The following SLC6A8 variants were observed in gnomAD, a reference collection of about 807,000 sequenced individuals.
The protein encoded by SLC6A8 is solute carrier family 6 member 8.
SLC6A8 carries 6 observed loss-of-function variants against 48.3 expected under a neutral mutation model. The observed-to-expected ratio is 0.12, with a 90% CI of 0.07 to 0.25. The LOEUF (loss-of-function observed/expected upper bound fraction) is 0.25, where lower values mean the gene tolerates loss of function less well. Ranked by LOEUF, SLC6A8 falls within the 10% of genes least tolerant of loss-of-function variation. The probability of loss-of-function intolerance (pLI) is 1.00; values close to 1 mark genes in which losing one functional copy is unlikely to be tolerated. For synonymous variants in SLC6A8, 245 were observed against 244.0 expected (o/e 1.00, Z -0.04); for missense variants, 260 against 551.5 (o/e 0.47, Z 5.29).
At chrX:153,692,936 G>A (rs781852365) in intron 4 of SLC6A8, 105 bp from the exon 5 acceptor site, 4 of 1,001,944 alleles carry the variant, frequency 4.0e-6, no homozygotes, top group Non-Finnish European at 5.6e-6. Flanking sequence ...GGAGGACAAT[G>A]GGGACCTCTG....
Position 153,688,718 on chromosome X carries a change from C to T in SLC6A8, c.144C>T (p.Ala48=), listed in dbSNP as rs782232933. The change falls in exon 1 of 13, where the codon GCC becomes GCT. Residue 48 remains alanine (A), a synonymous_variant. Coordinates refer to ENST00000253122, the MANE Select transcript of SLC6A8 (RefSeq NM_005629.4). The part of the protein sequence containing the change: ...VGLGTPGGRL[A]VPPRETWTRQ... ...TGGGGACACCCGGCGGCCGCCTGGC[C>T]GTGCCGCCGCGCGAGACCTGGACGC... The T allele has an allele frequency of 1.2e-4, 137 of 1,131,741 alleles. No homozygotes were observed. The highest frequency in any genetic ancestry group is 1.6e-4 in the Non-Finnish European group (135 of 853,114). The allele number at this position is 1,131,741 out of a possible 1,213,427, so 93.3% of individuals were successfully genotyped here. A position where few individuals can be genotyped will look rare whatever the true frequency, so the allele number is the denominator to read the frequency against.
rs1335545253 is a variant in SLC6A8 at position 153,695,722 on chromosome X, A to T, written c.*508A>T. On this transcript the variant is annotated 3_prime_UTR_variant, in exon 13 of 13. Coordinates refer to ENST00000253122, the MANE Select transcript of SLC6A8 (RefSeq NM_005629.4). ...TCAGCTGGGCTATACCCCTCTCCCC[A>T]TCCCTGTTATAGAAGCTTAGAGAGC... 1 of 153,620 alleles carries T rather than the reference A, an allele frequency of 6.5e-6. No individual in the cohort carries two copies. Among genetic ancestry groups the T allele is most frequent in the Non-Finnish European group, 1.3e-5 (1 of 79,586 alleles). 12.7% of individuals were successfully genotyped at this position (153,620 alleles called of 1,213,427 possible).
chrX:153,695,190 C>T lies in SLC6A8; in HGVS notation c.1884C>T (p.Val628=), dbSNP rs782808736. The change falls in exon 13 of 13, where the codon GTC becomes GTT. Residue 628 remains valine, a synonymous_variant. Coordinates refer to ENST00000253122, the MANE Select transcript of SLC6A8 (RefSeq NM_005629.4). ...TLTPVSESSK[V]VVVESVM The stretch of plus-strand genomic sequence containing the variant: ...CCCCAGTGTCCGAGAGCAGCAAGGT[C>T]GTCGTGGTGGAGAGTGTCATGTGAC... 6.6e-5 allele frequency: 78 copies of T among 1,186,341 alleles called. No individual in the cohort carries two copies. The highest frequency in any genetic ancestry group is 1.4e-4 in the Admixed American group (6 of 43,207).
chrX:153,692,689 C>T (rs781823696), intron 4 of SLC6A8: 22 of 363,138 alleles, frequency 6.1e-5, no homozygotes, highest in Admixed American at 1.5e-4. Flanking sequence ...TCCAATATCC[C>T]GCTCCCTGCC....
Position 153,696,530 on chromosome X carries a change from A to G in SLC6A8, c.*1316A>G, listed in dbSNP as rs148180779. 0.02 allele frequency: 6,558 copies of G among 322,829 alleles called. 319 individuals carry two copies. The highest frequency in any genetic ancestry group is 0.16 in the African/African-American group (5,870 of 37,657). The allele number at this position is 322,829 out of a possible 1,213,427, so 26.6% of individuals were successfully genotyped here. On this transcript the variant is annotated 3_prime_UTR_variant, in exon 13 of 13. Coordinates refer to ENST00000253122, the MANE Select transcript of SLC6A8 (RefSeq NM_005629.4). ...GTGAGGGTGGCGGGCCTGCGGGGAC[A>G]TTCTACTGTGCTAAAAAGCCACTGC...
Position 153,688,612 on chromosome X carries a change from T to C in SLC6A8, c.38T>C (p.Val13Ala). 1 of 1,072,321 alleles carries C rather than the reference T, an allele frequency of 9.3e-7. No individual in the cohort carries two copies. Among genetic ancestry groups the C allele is most frequent in the Non-Finnish European group, 1.2e-6 (1 of 823,946 alleles). The allele number at this position is 1,072,321 out of a possible 1,213,427, so 88.4% of individuals were successfully genotyped here. Residue 13 changes from valine (V) to alanine (A), a missense_variant, in exon 1 of 13, where the codon GTG becomes GCG. By Grantham distance (64) the Val-to-Ala change is moderately conservative. Around this residue, in one of 7 missense-constraint regions of SLC6A8, gnomAD observed 50 missense variants for 55.1 expected, o/e 0.91. Coordinates refer to ENST00000253122, the MANE Select transcript of SLC6A8 (RefSeq NM_005629.4). The part of the protein sequence containing the change: ...KKSAENGIYS[V>A]SGDEKKGPLI... ...AGCGCCGAGAACGGCATCTATAGCG[T>C]GTCCGGCGACGAGAAGAAGGGCCCC...
intron 2 of SLC6A8, 99 bp downstream of exon 2, chrX:153,690,605 C>T (rs1388218001): frequency 6.5e-6 from 6 of 926,967 alleles, no homozygotes; most frequent in Non-Finnish European, 9.0e-6. Context: ...CCTGGGGCCA[C>T]GTGATGGCGT....
chrX:153,695,300 T>A lies in SLC6A8; in HGVS notation c.*86T>A, dbSNP rs1353420049. ...ACCGCACCCCTCCAGGGGGCCTGCC[T>A]TTCCCTGACACTTTTGGGGTCTGCC... is the stretch of plus-strand genomic sequence containing the variant. On this transcript the variant is annotated 3_prime_UTR_variant, in exon 13 of 13. Transcript: ENST00000253122. The A allele has an allele frequency of 8.1e-5, 80 of 985,395 alleles. No homozygotes were observed. Among genetic ancestry groups the A allele is most frequent in the Non-Finnish European group, 1.1e-4 (76 of 709,050 alleles). 81.2% of individuals were successfully genotyped at this position (985,395 alleles called of 1,213,427 possible).
intron 12 of SLC6A8, 41 bp downstream of exon 12, chrX:153,694,930 G>A: frequency 9.1e-7 from 1 of 1,095,219 alleles, no homozygotes. Context: ...CCCCTGCTGT[G>A]AACATTCAAC....
chrX:153,688,879 G>GCCGGCCCCCGC lies in SLC6A8; in HGVS notation c.262+47_262+57dup, dbSNP rs2091438478. Reference sequence around the variant, plus strand: ...CCGCGGCCTCCTCCCCCAGCAGGCCGCCGGCCCCCGCCCGACCCCCGGAGC... The same window carrying GCCGGCCCCCGC: ...CCGCGGCCTCCTCCCCCAGCAGGCCGCCGGCCCCCGCCCGGCCCCCGCCCGACCCCCGGAGC... On this transcript the variant is annotated intron_variant, in intron 1 of 12. Coordinates refer to ENST00000253122, the MANE Select transcript of SLC6A8 (RefSeq NM_005629.4). The GCCGGCCCCCGC allele has an allele frequency of 6.8e-6, 6 of 876,827 alleles. No homozygotes were observed. In the South Asian group the frequency reaches 1.3e-4, roughly 20 times the overall value. The allele number at this position is 876,827 out of a possible 1,213,427, so 72.3% of individuals were successfully genotyped here.
In SLC6A8 at chrX:153,694,844, G is replaced by A. The variant is rs2091480081; in HGVS notation, c.1722G>A (p.Leu574=). The change falls in exon 12 of 13, where the codon CTG becomes CTA. Residue 574 remains leucine (L), a synonymous_variant. Transcript: ENST00000253122. ...TGTCCTCCATGCTGTGCGTGCCGCT[G>A]CACCTCCTGGGCTGCCTCCTCAGGG... ...FALSSMLCVP[L]HLLGCLLRAK... is the part of the protein sequence containing the mutation. The A allele has an allele frequency of 8.3e-7, 1 of 1,207,474 alleles. No individual in the cohort carries two copies. Among genetic ancestry groups the A allele is most frequent in the Non-Finnish European group, 1.1e-6 (1 of 893,591 alleles).
chrX:153,694,496 G>C, intron 10 of SLC6A8, 37 bp from the exon 11 acceptor site: 1 of 1,193,948 alleles, frequency 8.4e-7, no homozygotes, highest in Non-Finnish European at 1.1e-6. Context: ...GGGAAGGCAG[G>C]TCTCCAGCTT....
intron 3 of SLC6A8, 21 bp from the exon 4 acceptor site, chrX:153,691,954 G>A (rs1557044556): frequency 8.5e-7 from 1 of 1,183,402 alleles, no homozygotes; most frequent in East Asian, 3.0e-5. Flanking sequence ...AGGCCTCATG[G>A]GACCTCCCTC....
chrX:153,689,404 C>CG (rs1341481466), intron 1 of SLC6A8: 2 of 133,503 alleles, frequency 1.5e-5, no homozygotes, highest in Admixed American at 9.5e-5. Flanking sequence ...ACTGCATGCA[C>CG]GTCCCATGCC....
rs1282861600 is a variant in SLC6A8, at chrX:153,695,856, CTCTA to C, written c.*646_*649del. ...GTGAGTACGGAGAGTATATATAGAT[CTCTA>C]TCTCTTAGCAAAGGTGAATGCCAGA... On this transcript the variant is annotated 3_prime_UTR_variant, in exon 13 of 13. Coordinates refer to ENST00000253122, the MANE Select transcript of SLC6A8 (RefSeq NM_005629.4). The C allele has an allele frequency of 1.6e-5, 2 of 126,795 alleles. No individual in the cohort carries two copies. The highest frequency in any genetic ancestry group is 3.2e-5 in the Non-Finnish European group (2 of 61,880). The allele number at this position is 126,795 out of a possible 1,213,427, so 10.4% of individuals were successfully genotyped here. A position where few individuals can be genotyped will look rare whatever the true frequency, so the allele number is the denominator to read the frequency against.
In SLC6A8 at chrX:153,696,032, A is replaced by G. The variant is rs781811746; in HGVS notation, c.*818A>G. On this transcript the variant is annotated 3_prime_UTR_variant, in exon 13 of 13. Coordinates refer to ENST00000253122, the MANE Select transcript of SLC6A8 (RefSeq NM_005629.4). ...TACCACTCCCATCCCTGTGAGCCCT[A>G]CCTTACCCCTCTGCCCCTAGCCAAG... 1 of 150,488 alleles carries G rather than the reference A, an allele frequency of 6.6e-6. No homozygotes were observed. The highest frequency in any genetic ancestry group is 7.8e-5 in the Admixed American group (1 of 12,828). 12.4% of individuals were successfully genotyped at this position (150,488 alleles called of 1,213,427 possible). A position where few individuals can be genotyped will look rare whatever the true frequency, so the allele number is the denominator to read the frequency against.
intron 9 of SLC6A8, 23 bp downstream of exon 9, chrX:153,694,290 C>T (rs781890655): frequency 8.3e-7 from 1 of 1,210,542 alleles, no homozygotes; most frequent in Non-Finnish European, 1.1e-6. Flanking sequence ...GGGGGTCTGC[C>T]TGTGACCTCT....
intron 9 of SLC6A8, 35 bp downstream of exon 9, chrX:153,694,302 G>C: frequency 8.3e-7 from 1 of 1,209,938 alleles, no homozygotes; most frequent in Non-Finnish European, 1.1e-6. Flanking sequence ...GTGACCTCTG[G>C]TGGCCGTCTG....
In SLC6A8 at chrX:153,695,226, A is replaced by G. The variant is rs782440074; in HGVS notation, c.*12A>G. On this transcript the variant is annotated 3_prime_UTR_variant, in exon 13 of 13. Transcript: ENST00000253122. The stretch of plus-strand genomic sequence containing the variant: ...AGAGTGTCATGTGACAACTCAGCTC[A>G]CATCACCAGCTCACCTCTGGTAGCC... 3.4e-6 allele frequency: 4 copies of G among 1,172,249 alleles called. No individual in the cohort carries two copies. The South Asian group carries it at 7.5e-5, about 22-fold the overall frequency.
Sources: allele counts gnomAD v4.1 joint callset, GRCh38; gene constraint gnomAD v4.1.1; regional missense constraint gnomAD v4.1.1; transcripts MANE v1.5; gene names NCBI Gene and HGNC (gene_info 2026-07-23, HGNC 2026-07-21).